The following DIAPH3 variants were observed in gnomAD, a reference collection of about 807,000 sequenced individuals.
DIAPH3 encodes diaphanous related formin 3, also known as protein diaphanous homolog 3.
A neutral mutation model predicts 144.3 loss-of-function variants in DIAPH3; 117 were observed. That is an observed-to-expected ratio of 0.81 (90% CI 0.70 to 0.95). The LOEUF is 0.95. DIAPH3 is among the 40% of genes least tolerant of loss of function. DIAPH3 has a pLI of 0.00. For missense variants in DIAPH3, 1,421 were observed against 1,412.7 expected (o/e 1.01, Z -0.09); for synonymous variants, 519 against 488.9 (o/e 1.06, Z -0.81).
At chr13:59,920,399 T>C (rs1398612254) in intron 18 of DIAPH3, among the ~76,000 whole-genome samples, 3 of 151,848 alleles carry the variant, frequency 2.0e-5, no homozygotes, top group Admixed American at 6.6e-5. Context: ...GGAGTAGCTA[T>C]ATTTACATCA....
At chr13:59,923,344 CATT>C (rs2047605095) in intron 18 of DIAPH3, among the ~76,000 whole-genome samples, 1 of 152,102 alleles carries the variant, frequency 6.6e-6, no homozygotes, top group South Asian at 2.1e-4. Flanking sequence ...AACTTTCTGA[CATT>C]ATCTGACATA....
intron 3 of DIAPH3, among the ~76,000 whole-genome samples, chr13:60,096,370 T>G (rs912503765): frequency 3.9e-5 from 6 of 152,188 alleles, no homozygotes; most frequent in African/African-American, 1.4e-4. Flanking sequence ...AGAAAGAATT[T>G]TTTAAAAAGG....
intron 14 of DIAPH3, among the ~76,000 whole-genome samples, chr13:59,977,965 C>T (rs991433888): frequency 6.6e-6 from 1 of 151,730 alleles, no homozygotes; most frequent in African/African-American, 2.4e-5. Flanking sequence ...GTTCTTCATA[C>T]TGATTCCTCA....
At chr13:59,777,529 G>A (rs1593824883) in intron 25 of DIAPH3, among the ~76,000 whole-genome samples, 1 of 152,284 alleles carries the variant, frequency 6.6e-6, no homozygotes, top group Non-Finnish European at 1.5e-5. Flanking sequence ...GTGCATAAGG[G>A]ATGTAGAGGA....
intron 27 of DIAPH3, among the ~76,000 whole-genome samples, chr13:59,727,240 T>C (rs2035644775): frequency 6.6e-6 from 1 of 152,128 alleles, no homozygotes; most frequent in Non-Finnish European, 1.5e-5. Context: ...GGTGGTTGTT[T>C]AGGAAACTGG....
At chr13:59,826,240 T>C in intron 24 of DIAPH3, among the ~76,000 whole-genome samples, 2 of 116,564 alleles carry the variant, frequency 1.7e-5, no homozygotes, top group Admixed American at 9.3e-5. Context: ...GAAGTCAAAT[T>C]GTCCCTGTTT....
intron 1 of DIAPH3, among the ~76,000 whole-genome samples, chr13:60,144,230 A>T (rs888272721): frequency 1.3e-5 from 2 of 152,110 alleles, no homozygotes; most frequent in African/African-American, 4.8e-5. Context: ...TGCCTATGTA[A>T]TATCCCAGCC....
At chr13:60,078,329 A>G (rs2057443480) in intron 4 of DIAPH3, among the ~76,000 whole-genome samples, 1 of 152,170 alleles carries the variant, frequency 6.6e-6, no homozygotes, top group South Asian at 2.1e-4. Flanking sequence ...ATGTGACTAA[A>G]GAGAGAACAG....
intron 24 of DIAPH3, among the ~76,000 whole-genome samples, chr13:59,815,267 T>C (rs1284726818): frequency 2.0e-5 from 3 of 152,208 alleles, no homozygotes; most frequent in African/African-American, 7.2e-5. Context: ...CTAAGAATAA[T>C]ACTCTATTTT....
chr13:59,992,586 A>C lies in DIAPH3; in HGVS notation c.1015-3T>G, dbSNP rs755502600. 2 of 1,608,840 alleles carry C rather than the reference A, an allele frequency of 1.2e-6. No individual in the cohort carries two copies. Among genetic ancestry groups the C allele is most frequent in the Non-Finnish European group, 1.7e-6 (2 of 1,176,334 alleles). ...TTGATGAGCTGCATACAAGCTACCT[A>C]CAAGAGATCAAACAGTGAGACAGAC... On this transcript the variant is annotated splice_polypyrimidine_tract_variant and splice_region_variant and intron_variant, in intron 9 of 27. Transcript: ENST00000400324.
intron 5 of DIAPH3, among the ~76,000 whole-genome samples, chr13:60,024,709 A>T (rs1262309506): frequency 1.3e-5 from 2 of 152,098 alleles, no homozygotes; most frequent in Non-Finnish European, 2.9e-5. Context: ...GTGTTATAAG[A>T]TTCTAAATCT....
chr13:59,861,375 A>G, intron 22 of DIAPH3, 32 bp downstream of exon 22: 1 of 1,613,488 alleles, frequency 6.2e-7, no homozygotes, highest in South Asian at 1.1e-5. Flanking sequence ...TGAAGATCAG[A>G]GCCATGAAAT....
chr13:59,879,738 C>A (rs939309193), intron 20 of DIAPH3, among the ~76,000 whole-genome samples: 4 of 152,032 alleles, frequency 2.6e-5, no homozygotes, highest in African/African-American at 7.2e-5. Context: ...ATAAAGTAAG[C>A]ATTTTTTAAA....
chr13:59,876,167 C>G (rs553027122), intron 21 of DIAPH3, among the ~76,000 whole-genome samples: 1 of 152,258 alleles, frequency 6.6e-6, no homozygotes, highest in East Asian at 1.9e-4. Context: ...AGCTTATCAT[C>G]AAACCAAATG....
At chr13:59,950,416 C>A (rs1243118443) in intron 17 of DIAPH3, among the ~76,000 whole-genome samples, 1 of 152,130 alleles carries the variant, frequency 6.6e-6, no homozygotes, top group African/African-American at 2.4e-5. Context: ...ATCCATCCAA[C>A]AAGCTTATTA....
chr13:60,104,801 C>T (rs2058362463), intron 3 of DIAPH3, among the ~76,000 whole-genome samples: 1 of 152,070 alleles, frequency 6.6e-6, no homozygotes. Flanking sequence ...AAGAACACTG[C>T]CAGTGATTGG....
intron 4 of DIAPH3, among the ~76,000 whole-genome samples, chr13:60,070,440 G>A (rs148776612): frequency 6.6e-6 from 1 of 150,974 alleles, no homozygotes; most frequent in African/African-American, 2.4e-5. Flanking sequence ...ACAGTTTTAG[G>A]GTTTAAAAAA....
intron 4 of DIAPH3, among the ~76,000 whole-genome samples, chr13:60,087,913 G>A (rs2057801161): frequency 6.6e-6 from 1 of 152,160 alleles, no homozygotes; most frequent in Non-Finnish European, 1.5e-5. Flanking sequence ...CTGTAATACA[G>A]ATGCCAATGA....
intron 24 of DIAPH3, among the ~76,000 whole-genome samples, chr13:59,832,784 C>A (rs369795170): frequency 1.3e-5 from 2 of 151,750 alleles, no homozygotes; most frequent in African/African-American, 4.8e-5. Flanking sequence ...ATAAACTGAT[C>A]TTGAAGTATA....
Sources: allele counts gnomAD v4.1 joint callset (sites outside exome capture counted in the v4.1 genomes callset), GRCh38; gene constraint gnomAD v4.1.1; transcripts MANE v1.5; gene names NCBI Gene and HGNC (gene_info 2026-07-23, HGNC 2026-07-21).